The following LRRC7 variants were observed in gnomAD, a reference collection of about 807,000 sequenced individuals.
LRRC7 encodes leucine-rich repeat-containing protein 7.
In LRRC7, 23 loss-of-function variants were observed where a neutral mutation model predicts 175.7. That is an observed-to-expected ratio of 0.13 (90% CI 0.09 to 0.19). The LOEUF (loss-of-function observed/expected upper bound fraction) is 0.19. Among genes scored for constraint, LRRC7 ranks in the 10% least tolerant of loss-of-function variants. The pLI, the probability that LRRC7 is intolerant of heterozygous loss-of-function variation, is 1.00. For missense variants in LRRC7, 1,354 were observed against 1,904.7 expected (o/e 0.71, Z 5.38); for synonymous variants, 685 against 680.9 (o/e 1.01, Z -0.09).
chr1:69,623,577 T>A (rs1252107083), intron 1 of LRRC7, among the ~76,000 whole-genome samples: 1 of 140,412 alleles, frequency 7.1e-6, no homozygotes, highest in South Asian at 2.2e-4. Context: ...TGAGGCAGAG[T>A]TTCACTCTTG....
intron 2 of LRRC7, among the ~76,000 whole-genome samples, chr1:69,757,746 C>T (rs72675047): frequency 0.025 from 3,827 of 151,948 alleles, 69 homozygotes; most frequent in Middle Eastern, 0.065. Flanking sequence ...GAGTGAGAGA[C>T]GCTGGGCAAC....
intron 23 of LRRC7, among the ~76,000 whole-genome samples, chr1:70,055,755 G>A (rs1445381789): frequency 6.6e-6 from 1 of 152,090 alleles, no homozygotes; most frequent in African/African-American, 2.4e-5. Context: ...ACAGCAAGAG[G>A]AAAATCCACT....
At chr1:69,631,583 T>C (rs1297221958) in intron 1 of LRRC7, among the ~76,000 whole-genome samples, 4 of 152,106 alleles carry the variant, frequency 2.6e-5, no homozygotes, top group Non-Finnish European at 5.9e-5. Flanking sequence ...GACAGTCGCT[T>C]CTTTCCCCTC....
intron 1 of LRRC7, among the ~76,000 whole-genome samples, chr1:69,581,537 A>G (rs1646200903): frequency 6.6e-6 from 1 of 152,156 alleles, no homozygotes; most frequent in Non-Finnish European, 1.5e-5. Flanking sequence ...TGGAGAGGGA[A>G]CTAATTTATC....
intron 1 of LRRC7, among the ~76,000 whole-genome samples, chr1:69,569,169 C>T (rs1260364147): frequency 6.6e-6 from 1 of 150,762 alleles, no homozygotes; most frequent in Non-Finnish European, 1.5e-5. Context: ...TGAAAAAATA[C>T]AATTAGAAGA....
chr1:69,678,572 G>A, intron 2 of LRRC7, 94 bp downstream of exon 2: 2 of 816,010 alleles, frequency 2.5e-6, no homozygotes, highest in Non-Finnish European at 4.0e-6. Context: ...GGTTAGTCAA[G>A]CAATAGAATA....
chr1:69,862,178 A>C (rs867611962), intron 7 of LRRC7, among the ~76,000 whole-genome samples: 5 of 152,134 alleles, frequency 3.3e-5, no homozygotes, highest in Admixed American at 3.3e-4. Context: ...TTATAACATA[A>C]AAGAAACCAT....
intron 1 of LRRC7, among the ~76,000 whole-genome samples, chr1:69,596,163 C>G (rs922100277): frequency 1.3e-5 from 2 of 152,046 alleles, no homozygotes; most frequent in African/African-American, 4.8e-5. Context: ...AAGAAGAGCA[C>G]CAGCGTTATT....
intron 24 of LRRC7, among the ~76,000 whole-genome samples, chr1:70,088,039 T>C (rs1316165340): frequency 6.6e-6 from 1 of 152,158 alleles, no homozygotes; most frequent in Non-Finnish European, 1.5e-5. Flanking sequence ...ACATTTGCCA[T>C]AAGCAAATTA....
intron 3 of LRRC7, among the ~76,000 whole-genome samples, chr1:69,763,129 T>A (rs1196422355): frequency 6.6e-6 from 1 of 152,060 alleles, no homozygotes; most frequent in African/African-American, 2.4e-5. Context: ...GTTCATTATA[T>A]GTGTTTCAAG....
intron 4 of LRRC7, among the ~76,000 whole-genome samples, chr1:69,817,760 A>G (rs2101183049): frequency 6.6e-6 from 1 of 152,256 alleles, no homozygotes; most frequent in South Asian, 2.1e-4. Flanking sequence ...TCACTCCGTG[A>G]ATACATGATA....
intron 23 of LRRC7, among the ~76,000 whole-genome samples, chr1:70,074,536 C>T (rs1220804243): frequency 3.9e-5 from 6 of 152,132 alleles, no homozygotes; most frequent in Admixed American, 2.6e-4. Flanking sequence ...ACTGGATATG[C>T]GTTGGACAGA....
intron 2 of LRRC7, among the ~76,000 whole-genome samples, chr1:69,733,129 T>C (rs1179689554): frequency 6.6e-6 from 1 of 152,104 alleles, no homozygotes; most frequent in Non-Finnish European, 1.5e-5. Context: ...GCTCTATTTA[T>C]AAATGAGGAC....
In LRRC7 at chr1:70,126,339, G is replaced by A. The variant is rs1427574720; in HGVS notation, c.*4452G>A. 6.6e-6 allele frequency among the ~76,000 whole-genome samples: 1 copy of A among 151,892 alleles called. No individual in the cohort carries two copies. Among genetic ancestry groups the A allele is most frequent in the Non-Finnish European group, 1.5e-5 (1 of 67,994 alleles). ...GAAATCCAATAGGTTAAGAAGATGG[G>A]TCCTTTATCTAGTATAAAGAAAAGC... On this transcript the variant is annotated 3_prime_UTR_variant, in exon 27 of 27. Transcript: ENST00000651989.
At chr1:69,979,859 A>G (rs369900299) in intron 8 of LRRC7, among the ~76,000 whole-genome samples, 1 of 151,742 alleles carries the variant, frequency 6.6e-6, no homozygotes, top group East Asian at 2.0e-4. Flanking sequence ...GTAATGGCAA[A>G]ACCGCAATTA....
chr1:69,963,080 C>A (rs1009958627), intron 8 of LRRC7, among the ~76,000 whole-genome samples: 5 of 151,710 alleles, frequency 3.3e-5, no homozygotes, highest in African/African-American at 1.2e-4. Context: ...TGAAGGTGGG[C>A]GGATCACCAG....
intron 1 of LRRC7, among the ~76,000 whole-genome samples, chr1:69,617,651 G>T (rs1460381039): frequency 6.6e-6 from 1 of 151,158 alleles, no homozygotes; most frequent in East Asian, 2.0e-4. Context: ...CTCAGCATCT[G>T]GGCCCTTACG....
intron 1 of LRRC7, among the ~76,000 whole-genome samples, chr1:69,614,331 A>G (rs916772514): frequency 6.6e-6 from 1 of 152,088 alleles, no homozygotes; most frequent in African/African-American, 2.4e-5. Context: ...GGAGCATAAT[A>G]AACTGTTCAT....
At chr1:69,975,598 G>A (rs931652678) in intron 8 of LRRC7, among the ~76,000 whole-genome samples, 2 of 152,072 alleles carry the variant, frequency 1.3e-5, no homozygotes, top group African/African-American at 4.8e-5. Flanking sequence ...TCTCAGTGAT[G>A]CCTCTCAAAC....
Sources: gnomAD v4.1 joint callset for allele counts (sites outside exome capture counted in the v4.1 genomes callset) on GRCh38, gnomAD v4.1.1 for gene constraint, MANE v1.5 for transcripts, NCBI Gene and HGNC (gene_info 2026-07-23, HGNC 2026-07-21) for gene names.